The following KIAA1671 variants were observed in gnomAD, a reference collection of about 807,000 sequenced individuals.
KIAA1671 encodes the protein uncharacterized protein KIAA1671.
KIAA1671 carries 52 observed loss-of-function variants against 131.2 expected under a neutral mutation model. That is an observed-to-expected ratio of 0.40 (90% confidence interval 0.32 to 0.50). KIAA1671 has a LOEUF of 0.50. Among genes scored for constraint, KIAA1671 ranks in the 20% least tolerant of loss-of-function variants. The pLI is 0.73. For missense variants in KIAA1671, 2,360 were observed against 2,364.2 expected (o/e 1.00, Z 0.04); for synonymous variants, 1,003 against 961.6 (o/e 1.04, Z -0.80).
intron 6 of KIAA1671, among the ~76,000 whole-genome samples, chr22:25,080,898 G>A (rs1334195820): frequency 6.6e-6 from 1 of 152,120 alleles, no homozygotes; most frequent in Non-Finnish European, 1.5e-5. Flanking sequence ...GTGGGCCTCA[G>A]TCACCTTCCC....
At chr22:24,991,168 C>T (rs112212823) in intron 1 of KIAA1671, among the ~76,000 whole-genome samples, 5,459 of 148,618 alleles carry the variant, frequency 0.037, 316 homozygotes, top group African/African-American at 0.13. Context: ...TACAGGCACA[C>T]ACCACCATGC....
Position 25,038,826 on chromosome 22 carries a change from C to A in KIAA1671, c.1696C>A (p.Arg566=). 10 of 1,551,828 alleles carry A rather than the reference C, an allele frequency of 6.4e-6. No homozygotes were observed. The highest frequency in any genetic ancestry group is 8.7e-6 in the Non-Finnish European group (10 of 1,147,020). Residue 566 remains arginine, a synonymous_variant, in exon 5 of 13, where the codon CGG becomes AGG. Coordinates refer to ENST00000358431, the MANE Select transcript of KIAA1671 (RefSeq NM_001145206.2). ...AAGCCCCTGGAAGCCTGGGACACTC[C>A]GGGATAAGTCCAGGCAGACGGAGCA... ...PRSPWKPGTL[R]DKSRQTEQKV...
At chr22:25,135,146 G>T (rs1034421631) in intron 6 of KIAA1671, among the ~76,000 whole-genome samples, 2 of 152,126 alleles carry the variant, frequency 1.3e-5, no homozygotes, top group African/African-American at 4.8e-5. Flanking sequence ...TGCACTTTGG[G>T]CTGTTAGTGC....
chr22:24,953,666 GA>G (rs1347847704), intron 1 of KIAA1671, among the ~76,000 whole-genome samples: 1 of 151,962 alleles, frequency 6.6e-6, no homozygotes, highest in Admixed American at 6.5e-5. Flanking sequence ...ACCCGAGCCT[GA>G]CCTTTTCACA....
At chr22:25,046,953 A>G (rs1927268954) in intron 5 of KIAA1671, among the ~76,000 whole-genome samples, 2 of 146,922 alleles carry the variant, frequency 1.4e-5, no homozygotes, top group Admixed American at 1.4e-4. Flanking sequence ...TCTGTTTTTC[A>G]TATAATGTGT....
intron 6 of KIAA1671, among the ~76,000 whole-genome samples, chr22:25,168,495 A>G (rs1933724885): frequency 6.6e-6 from 1 of 152,198 alleles, no homozygotes; most frequent in South Asian, 2.1e-4. Flanking sequence ...GTTCGTGACC[A>G]GCCTGGGCAA....
chr22:25,096,185 C>G (rs776035955), intron 6 of KIAA1671, among the ~76,000 whole-genome samples: 1 of 152,186 alleles, frequency 6.6e-6, no homozygotes, highest in Non-Finnish European at 1.5e-5. Context: ...CACGGCGAAC[C>G]TGACACTCGA....
At chr22:25,149,493 T>C (rs1932966193) in intron 6 of KIAA1671, among the ~76,000 whole-genome samples, 2 of 152,064 alleles carry the variant, frequency 1.3e-5, no homozygotes, top group Admixed American at 6.6e-5. Flanking sequence ...TCCCTCCCCT[T>C]CCCTAGAGCT....
chr22:24,964,731 T>C (rs1435812998), intron 1 of KIAA1671, among the ~76,000 whole-genome samples: 1 of 152,126 alleles, frequency 6.6e-6, no homozygotes, highest in Non-Finnish European at 1.5e-5. Context: ...CCCCTATACA[T>C]TGTTGTATTT....
intron 1 of KIAA1671, among the ~76,000 whole-genome samples, chr22:24,988,201 A>G (rs1211838069): frequency 6.7e-6 from 1 of 149,432 alleles, no homozygotes; most frequent in Admixed American, 6.8e-5. Context: ...AATCACTTGA[A>G]TCTGGGAGTT....
At chr22:24,963,669 G>A (rs562567149) in intron 1 of KIAA1671, among the ~76,000 whole-genome samples, 4 of 152,064 alleles carry the variant, frequency 2.6e-5, no homozygotes, top group Admixed American at 1.3e-4. Context: ...GGCCGGGTGC[G>A]GTGGCTCACA....
At chr22:25,157,534 A>G (rs1410878518) in intron 6 of KIAA1671, among the ~76,000 whole-genome samples, 2 of 152,220 alleles carry the variant, frequency 1.3e-5, no homozygotes, top group Non-Finnish European at 2.9e-5. Context: ...TACATTTTTT[A>G]AAACTCCAGA....
In KIAA1671 at chr22:25,040,801, G is replaced by T; in HGVS notation, c.3671G>T (p.Ser1224Ile). ...KVPGEAQERR[S>I]PTVEPSTLPR... ...CCTGGGGAGGCTCAGGAGAGGAGGA[G>T]TCCCACCGTGGAGCCCAGTACGTTG... The change falls in exon 5 of 13, where the codon AGT (serine) becomes ATT (isoleucine). Residue 1224 changes from serine to isoleucine, a missense_variant. By Grantham distance (142) the Ser-to-Ile change is moderately radical. Transcript: ENST00000358431. The T allele has an allele frequency of 6.4e-7, 1 of 1,551,748 alleles. No homozygotes were observed. Among genetic ancestry groups the T allele is most frequent in the Non-Finnish European group, 8.7e-7 (1 of 1,147,026 alleles).
At chr22:24,972,337 A>G (rs912490007) in intron 1 of KIAA1671, among the ~76,000 whole-genome samples, 2 of 152,350 alleles carry the variant, frequency 1.3e-5, no homozygotes, top group Non-Finnish European at 2.9e-5. Flanking sequence ...TCATAAGCAT[A>G]TGGTCAGAAC....
intron 1 of KIAA1671, among the ~76,000 whole-genome samples, chr22:25,008,529 C>G (rs776073107): frequency 1.1e-4 from 17 of 152,132 alleles, no homozygotes; most frequent in Non-Finnish European, 2.1e-4. Context: ...ATTGATGCTT[C>G]GAGGATATAT....
chr22:25,048,941 T>C (rs929451179), intron 5 of KIAA1671: 1 of 366,074 alleles, frequency 2.7e-6, no homozygotes, highest in South Asian at 3.6e-5. Context: ...TCTTAGCGCC[T>C]AGAAGCTGGG....
chr22:25,026,033 T>G (rs1925926456), intron 2 of KIAA1671, among the ~76,000 whole-genome samples: 1 of 152,226 alleles, frequency 6.6e-6, no homozygotes, highest in Non-Finnish European at 1.5e-5. Context: ...GGTTGGGATC[T>G]TTGTGTATGG....
intron 6 of KIAA1671, among the ~76,000 whole-genome samples, chr22:25,139,184 C>T (rs930614935): frequency 3.9e-5 from 6 of 152,208 alleles, no homozygotes; most frequent in African/African-American, 1.4e-4. Flanking sequence ...AGAAGAAATG[C>T]TCATTGCCTG....
chr22:25,100,028 G>A (rs939546774), intron 6 of KIAA1671, among the ~76,000 whole-genome samples: 1 of 152,214 alleles, frequency 6.6e-6, no homozygotes, highest in African/African-American at 2.4e-5. Flanking sequence ...ATTTGTAACT[G>A]GGTCTGGTGG....
Sources: gnomAD v4.1 joint callset for allele counts (sites outside exome capture counted in the v4.1 genomes callset) on GRCh38, gnomAD v4.1.1 for gene constraint, MANE v1.5 for transcripts, NCBI Gene and HGNC (gene_info 2026-07-23, HGNC 2026-07-21) for gene names.